The following TRDMT1 variants were observed in gnomAD, a reference collection of about 807,000 sequenced individuals.
TRDMT1 encodes the protein tRNA (cytosine(38)-C(5))-methyltransferase.
In TRDMT1, 49 loss-of-function variants were observed where a neutral mutation model predicts 51.2. The observed-to-expected ratio is 0.96, with a 90% CI of 0.76 to 1.21. The LOEUF is 1.21. Among genes scored for constraint, TRDMT1 ranks in the 50% most tolerant of loss-of-function variants. TRDMT1 has a pLI of 0.00. For synonymous variants in TRDMT1, 187 were observed against 164.6 expected, an observed-to-expected ratio of 1.14 and a Z score of -1.04; for missense variants, 534 against 462.3, an observed-to-expected ratio of 1.16 and a Z score of -1.42.
intron 1 of TRDMT1, among the ~76,000 whole-genome samples, chr10:17,177,208 A>ATTTATTTATTTATTTATTTT (rs1264015551): frequency 2.7e-5 from 4 of 149,528 alleles, no homozygotes; most frequent in African/African-American, 7.3e-5. Flanking sequence ...TTATTTATTT[A>ATTTATTTATTTATTTATTTT]TTTTTTGAGA....
At chr10:17,149,405 G>GAA (rs1285870942) in intron 10 of TRDMT1, among the ~76,000 whole-genome samples, 1 of 152,060 alleles carries the variant, frequency 6.6e-6, no homozygotes, top group Non-Finnish European at 1.5e-5. Context: ...AGAACTCAGA[G>GAA]AAATGCATGT....
chr10:17,169,641 G>A, intron 2 of TRDMT1: 2 of 738,648 alleles, frequency 2.7e-6, no homozygotes, highest in Non-Finnish European at 4.1e-6. Context: ...TTAAAGAAAT[G>A]AGCCCAGAAT....
intron 3 of TRDMT1, among the ~76,000 whole-genome samples, chr10:17,168,496 T>A (rs995881670): frequency 4.6e-5 from 7 of 152,146 alleles, no homozygotes; most frequent in Admixed American, 3.9e-4. Flanking sequence ...TGTGTCCCCA[T>A]CCAAATCTCA....
Position 17,157,436 on chromosome 10 carries a change from C to A in TRDMT1, c.887+5G>T, listed in dbSNP as rs1468672748. ...ATACAGGATCAATAGATCTTTAAAA[C>A]CTACCCTTTGGTAAAGCACACGGAC... On this transcript the variant is annotated splice_donor_5th_base_variant and intron_variant, in intron 8 of 10. Transcript: ENST00000377799. 6.3e-7 allele frequency: 1 copy of A among 1,587,846 alleles called. No homozygotes were observed. Among genetic ancestry groups the A allele is most frequent in the Non-Finnish European group, 8.6e-7 (1 of 1,163,930 alleles).
At chr10:17,163,855 T>C (rs1454991596) in intron 3 of TRDMT1, among the ~76,000 whole-genome samples, 4 of 152,124 alleles carry the variant, frequency 2.6e-5, no homozygotes, top group Non-Finnish European at 2.9e-5. Flanking sequence ...CAACAGGCTT[T>C]GAAATTGAGG....
intron 10 of TRDMT1, chr10:17,152,166 T>A (rs1838830185): frequency 2.8e-6 from 3 of 1,054,466 alleles, no homozygotes; most frequent in Admixed American, 5.9e-5. Flanking sequence ...TAAGTCTAAT[T>A]CTCAGCTCTT....
intron 3 of TRDMT1, among the ~76,000 whole-genome samples, chr10:17,162,449 T>C (rs549209625): frequency 6.6e-6 from 1 of 152,302 alleles, no homozygotes; most frequent in South Asian, 2.1e-4. Flanking sequence ...GGCTCACGCT[T>C]GTAATTCCAG....
At chr10:17,198,229 C>T (rs569885729) in intron 1 of TRDMT1, among the ~76,000 whole-genome samples, 2 of 152,270 alleles carry the variant, frequency 1.3e-5, no homozygotes, top group South Asian at 4.1e-4. Flanking sequence ...GCCGCTGCTG[C>T]GGAAAACAGG....
chr10:17,190,584 A>G (rs1425817411), intron 1 of TRDMT1, among the ~76,000 whole-genome samples: 1 of 152,246 alleles, frequency 6.6e-6, no homozygotes, highest in Admixed American at 6.5e-5. Flanking sequence ...TAAAAAGAAC[A>G]AAAATGTTTT....
Position 17,201,636 on chromosome 10 carries a change from C to A in TRDMT1, c.-2G>T, listed in dbSNP as rs951392392. Reference sequence around the variant, plus strand: ...CTCCAGCACCCGCAGGGGCTCCATCCCCGCGCCTCAGCCGCCGCAGCCCCG... The same window carrying A: ...CTCCAGCACCCGCAGGGGCTCCATCACCGCGCCTCAGCCGCCGCAGCCCCG... On this transcript the variant is annotated 5_prime_UTR_variant, in exon 1 of 11. Coordinates refer to ENST00000377799, the MANE Select transcript of TRDMT1 (RefSeq NM_004412.7). 10 of 1,542,714 alleles carry A rather than the reference C, an allele frequency of 6.5e-6. No homozygotes were observed. The East Asian group carries it at 2.0e-4, about 31-fold the overall frequency.
Position 17,146,304 on chromosome 10 carries a change from C to T in TRDMT1, c.*2736G>A. 2 of 985,330 alleles carry T rather than the reference C, an allele frequency of 2.0e-6. No individual in the cohort carries two copies. Among genetic ancestry groups the T allele is most frequent in the Non-Finnish European group, 2.4e-6 (2 of 829,930 alleles). 61.0% of individuals were successfully genotyped at this position (985,330 alleles called of 1,614,324 possible). ...GGTTGGAGGTATTTTCTCATCTTTC[C>T]AGACATAGGGCAGTGCCCATGGTGA... On this transcript the variant is annotated 3_prime_UTR_variant, in exon 11 of 11. Transcript: ENST00000377799.
At position 17,139,932 on chromosome 10, in the gene TRDMT1, G is replaced by A. The variant is rs1238986686; in HGVS notation, c.*9108C>T. 6.7e-6 allele frequency among the ~76,000 whole-genome samples: 1 copy of A among 149,056 alleles called. No individual in the cohort carries two copies. The highest frequency in any genetic ancestry group is 6.8e-5 in the Admixed American group (1 of 14,750). On this transcript the variant is annotated 3_prime_UTR_variant, in exon 11 of 11. Transcript: ENST00000377799. Reference sequence around the variant, plus strand: ...TGTTACGGAAGTACTGCTAAATCAAGCTTTGTCAACAATTCCTAGACTATG... The same window carrying A: ...TGTTACGGAAGTACTGCTAAATCAAACTTTGTCAACAATTCCTAGACTATG...
At position 17,138,016 on chromosome 10, in the gene TRDMT1, C is replaced by A. The variant is rs921971476; in HGVS notation, c.*11024G>T. 5.3e-5 allele frequency among the ~76,000 whole-genome samples: 8 copies of A among 152,082 alleles called. No individual in the cohort carries two copies. The highest frequency in any genetic ancestry group is 1.7e-4 in the African/African-American group (7 of 41,390). ...GTGCAATAATCCTTATGTGATATTT[C>A]TGCTAGGCCAGCTGAATTTATCTGG... is the stretch of plus-strand genomic sequence containing the variant. On this transcript the variant is annotated 3_prime_UTR_variant, in exon 11 of 11. Transcript: ENST00000377799.
intron 10 of TRDMT1, chr10:17,150,260 G>T: frequency 2.8e-6 from 1 of 351,822 alleles, no homozygotes; most frequent in Non-Finnish European, 4.0e-6. Flanking sequence ...GTGCTTATTG[G>T]CCATTTATCT....
intron 1 of TRDMT1, among the ~76,000 whole-genome samples, chr10:17,198,039 A>C (rs1845682770): frequency 6.6e-6 from 1 of 152,026 alleles, no homozygotes; most frequent in African/African-American, 2.4e-5. Context: ...CATCTCAAAA[A>C]AAAAAAGAAA....
intron 1 of TRDMT1, chr10:17,200,460 T>C: frequency 6.0e-6 from 1 of 167,742 alleles, no homozygotes. Context: ...GAATTGAAAC[T>C]CAATAAATCT....
chr10:17,152,085 T>G, intron 10 of TRDMT1: 1 of 1,301,064 alleles, frequency 7.7e-7, no homozygotes, highest in Middle Eastern at 2.1e-4. Context: ...TTCAAGAGTA[T>G]GTCTGATTGC....
In TRDMT1 at chr10:17,140,037, CTTTTT is replaced by C. The variant is rs758336473; in HGVS notation, c.*8998_*9002del. Among the ~76,000 whole-genome samples the C allele has an allele frequency of 1.4e-4, 3 of 21,920 alleles. No homozygotes were observed. The highest frequency in any genetic ancestry group is 5.6e-4 in the African/African-American group (3 of 5,356). 14.4% of individuals were successfully genotyped at this position (21,920 alleles called of 152,430 possible). A position where few individuals can be genotyped will look rare whatever the true frequency, so the allele number is the denominator to read the frequency against. On this transcript the variant is annotated 3_prime_UTR_variant, in exon 11 of 11. Transcript: ENST00000377799. Reference sequence around the variant, plus strand: ...TATTCTTCCAGTAACATCTAGTGTGCTTTTTTTTTTTTTTTTTTTTTTTTTTGAGA... The same window carrying C: ...TATTCTTCCAGTAACATCTAGTGTGCTTTTTTTTTTTTTTTTTTTTTGAGA...
At chr10:17,177,276 A>G (rs1187178190) in intron 1 of TRDMT1, among the ~76,000 whole-genome samples, 1 of 151,620 alleles carries the variant, frequency 6.6e-6, no homozygotes, top group Non-Finnish European at 1.5e-5. Flanking sequence ...GGCTCACTGC[A>G]ACCTCCACCT....
Sources: allele counts gnomAD v4.1 joint callset (sites outside exome capture counted in the v4.1 genomes callset), GRCh38; gene constraint gnomAD v4.1.1; transcripts MANE v1.5; gene names NCBI Gene and HGNC (gene_info 2026-07-23, HGNC 2026-07-21).